The following M1AP variants were observed in gnomAD, a reference collection of about 807,000 sequenced individuals.
The protein encoded by M1AP is meiosis 1 associated protein.
A neutral mutation model predicts 51.2 loss-of-function variants in M1AP; 39 were observed. The ratio of observed to expected loss-of-function variants is 0.76; its 90% CI spans 0.59 to 1.00. The LOEUF is 1.00. Among genes scored for constraint, M1AP ranks in the 50% least tolerant of loss-of-function variants. The probability of loss-of-function intolerance (pLI) is 0.00; values close to 1 mark genes in which losing one functional copy is unlikely to be tolerated. For synonymous variants in M1AP, 251 were observed against 249.2 expected (o/e 1.01, Z -0.07); for missense variants, 545 against 641.2 (o/e 0.85, Z 1.62).
intron 2 of M1AP, among the ~76,000 whole-genome samples, chr2:74,634,258 A>AT (rs1682853382): frequency 6.6e-6 from 1 of 152,290 alleles, no homozygotes; most frequent in South Asian, 2.1e-4. Context: ...GTATATTTGT[A>AT]ATGAGAAGGT....
intron 9 of M1AP, 113 bp downstream of exon 9, chr2:74,560,038 T>C (rs1677797605): frequency 3.3e-6 from 4 of 1,202,122 alleles, no homozygotes; most frequent in Non-Finnish European, 4.7e-6. Flanking sequence ...GGAGGAAGGC[T>C]ACTCCCTTGG....
chr2:74,573,455 T>G (rs1678875043), intron 7 of M1AP, among the ~76,000 whole-genome samples: 2 of 152,064 alleles, frequency 1.3e-5, no homozygotes, highest in African/African-American at 4.8e-5. Flanking sequence ...CGGGTTCAAG[T>G]GATTCTCATG....
chr2:74,639,962 T>G, intron 2 of M1AP, 74 bp downstream of exon 2: 1 of 1,296,658 alleles, frequency 7.7e-7, no homozygotes, highest in Non-Finnish European at 1.1e-6. Context: ...TATTAATAAC[T>G]GTGATCTCTA....
chr2:74,626,258 T>G (rs544179052), intron 2 of M1AP, among the ~76,000 whole-genome samples: 1,940 of 116,326 alleles, frequency 0.017, 31 homozygotes, highest in Middle Eastern at 0.041. Context: ...TATATTTCAG[T>G]TTTTTTTTTT....
At chr2:74,622,542 G>GTTTT in intron 2 of M1AP, among the ~76,000 whole-genome samples, 1 of 118,966 alleles carries the variant, frequency 8.4e-6, no homozygotes, top group African/African-American at 4.6e-5. Flanking sequence ...GCCATTGCCT[G>GTTTT]CTTTTTTTTT....
At chr2:74,602,117 C>T (rs1015042016) in intron 4 of M1AP, among the ~76,000 whole-genome samples, 8 of 152,002 alleles carry the variant, frequency 5.3e-5, no homozygotes, top group African/African-American at 1.7e-4. Context: ...CATGAGTTAT[C>T]GAGGGAAGTT....
chr2:74,563,735 G>A (rs1293611375), intron 7 of M1AP, among the ~76,000 whole-genome samples: 1 of 152,100 alleles, frequency 6.6e-6, no homozygotes, highest in Non-Finnish European at 1.5e-5. Flanking sequence ...TGCCTCTGTG[G>A]ATGATGGGTT....
intron 2 of M1AP, chr2:74,615,420 CAAA>C: frequency 5.2e-6 from 2 of 383,532 alleles, no homozygotes; most frequent in Non-Finnish European, 4.8e-6. Flanking sequence ...TTCACTCACA[CAAA>C]GGGAAATCCA....
At chr2:74,593,972 C>T (rs929743662) in intron 4 of M1AP, among the ~76,000 whole-genome samples, 2 of 152,094 alleles carry the variant, frequency 1.3e-5, no homozygotes, top group Non-Finnish European at 2.9e-5. Context: ...AGAGCCGGAG[C>T]GCCCTAAATT....
intron 2 of M1AP, chr2:74,619,388 A>G (rs1353661034): frequency 5.4e-6 from 1 of 185,536 alleles, no homozygotes; most frequent in Admixed American, 5.2e-5. Flanking sequence ...CTGGTCCTAG[A>G]CCAACCATAA....
chr2:74,611,882 GTTTTTTTTTTTT>G (rs1188013311), intron 3 of M1AP, among the ~76,000 whole-genome samples: 3 of 42,912 alleles, frequency 7.0e-5, no homozygotes, highest in African/African-American at 2.1e-4. Context: ...ACAAAAAAGT[GTTTTTTTTTTTT>G]TTTTTTTTTT....
At chr2:74,590,595 AG>A (rs1280548917) in intron 4 of M1AP, among the ~76,000 whole-genome samples, 17 of 152,144 alleles carry the variant, frequency 1.1e-4, no homozygotes, top group Non-Finnish European at 1.8e-4. Flanking sequence ...TTTGGCTGGG[AG>A]AGTAGCCTTT....
intron 3 of M1AP, 82 bp downstream of exon 3, chr2:74,614,882 A>G: frequency 7.8e-7 from 1 of 1,277,094 alleles, no homozygotes; most frequent in East Asian, 2.3e-5. Flanking sequence ...GAAAGATAGA[A>G]CAATGTAAAG....
chr2:74,631,170 GAT>G (rs1198871298), intron 2 of M1AP, among the ~76,000 whole-genome samples: 3 of 152,120 alleles, frequency 2.0e-5, no homozygotes, highest in Admixed American at 1.3e-4. Context: ...TGATATGACA[GAT>G]ATGTTTGTTT....
At chr2:74,566,385 ATTAT>A (rs1356947316) in intron 7 of M1AP, among the ~76,000 whole-genome samples, 1 of 152,188 alleles carries the variant, frequency 6.6e-6, no homozygotes, top group Non-Finnish European at 1.5e-5. Flanking sequence ...TCATACCGAA[ATTAT>A]TTAAGCAGGA....
chr2:74,634,706 A>T (rs1394824889), intron 2 of M1AP, among the ~76,000 whole-genome samples: 1 of 152,164 alleles, frequency 6.6e-6, no homozygotes, highest in African/African-American at 2.4e-5. Context: ...TCATGAGTGG[A>T]CGTTGAACTT....
intron 4 of M1AP, among the ~76,000 whole-genome samples, chr2:74,586,686 C>G (rs1679726700): frequency 6.6e-6 from 1 of 152,006 alleles, no homozygotes. Flanking sequence ...ATGGAAAGAC[C>G]AGGGTTTGAC....
intron 5 of M1AP, among the ~76,000 whole-genome samples, chr2:74,579,601 T>C (rs571942055): frequency 9.8e-5 from 15 of 152,314 alleles, no homozygotes; most frequent in African/African-American, 2.6e-4. Context: ...TTGTATTTAA[T>C]TGATTCTAAG....
In M1AP at chr2:74,589,740, A is replaced by G. The variant is rs78301387; in HGVS notation, c.596-7893T>C. ...CTTTCCCAGCTCTGGTCAGCTACCCAGGGAATTCTATTGTTAGCAGTTGTC... is the reference window on the plus strand; with the variant it reads ...CTTTCCCAGCTCTGGTCAGCTACCCGGGGAATTCTATTGTTAGCAGTTGTC... On this transcript the variant is annotated intron_variant, in intron 4 of 10. Transcript: ENST00000421985. 4.8e-3 allele frequency among the ~76,000 whole-genome samples: 724 copies of G among 152,316 alleles called. 6 individuals are homozygous for G. The highest frequency in any genetic ancestry group is 0.017 in the African/African-American group (695 of 41,564).
Sources: gnomAD v4.1 joint callset for allele counts (sites outside exome capture counted in the v4.1 genomes callset) on GRCh38, gnomAD v4.1.1 for gene constraint, MANE v1.5 for transcripts, NCBI Gene and HGNC (gene_info 2026-07-23, HGNC 2026-07-21) for gene names.